The following GATA5 variants were observed in gnomAD, a reference collection of about 807,000 sequenced individuals.
GATA5 encodes the protein GATA binding protein 5, also known as transcription factor GATA-5.
In GATA5, 27 loss-of-function variants were observed where a neutral mutation model predicts 35.0. The observed-to-expected ratio is 0.77, with a 90% CI of 0.57 to 1.06. GATA5 has a LOEUF of 1.06. Among genes scored for constraint, GATA5 ranks in the 50% least tolerant of loss-of-function variants. GATA5 has a pLI of 0.00. For synonymous variants in GATA5, 306 were observed against 267.8 expected, an observed-to-expected ratio of 1.14 and a Z score of -1.39; for missense variants, 612 against 580.0, an observed-to-expected ratio of 1.06 and a Z score of -0.57.
In GATA5 at chr20:62,475,315, G is replaced by T; in HGVS notation, c.207C>A (p.Thr69=). The T allele has an allele frequency of 8.0e-7, 1 of 1,250,874 alleles. No individual in the cohort carries two copies. Among genetic ancestry groups the T allele is most frequent in the Non-Finnish European group, 1.0e-6 (1 of 997,512 alleles). The allele number at this position is 1,250,874 out of a possible 1,614,324, so 77.5% of individuals were successfully genotyped here. A position where few individuals can be genotyped will look rare whatever the true frequency, so the allele number is the denominator to read the frequency against. The change falls in exon 2 of 7, where the codon ACC becomes ACA. Residue 69 remains threonine, a synonymous_variant. Transcript: ENST00000252997. ...CCGGGCCGAAGGCCGACGAATCCGC[G>T]GTGGCTGTCTGCGCCCAGCCGGGGC... ...AARPGWAQTA[T]ADSSAFGPGS...
intron 3 of GATA5, among the ~76,000 whole-genome samples, 160 bp from the exon 4 acceptor site, chr20:62,466,711 C>T (rs1365732769): frequency 3.9e-5 from 6 of 152,226 alleles, no homozygotes; most frequent in African/African-American, 1.4e-4. Flanking sequence ...CCTGGACACG[C>T]TCTCGAGCCC....
chr20:62,473,276 C>T (rs2146488032), intron 3 of GATA5, 127 bp downstream of exon 3: 1 of 1,053,008 alleles, frequency 9.5e-7, no homozygotes, highest in Admixed American at 2.5e-5. Context: ...GGGGCGGGCA[C>T]CCAGGCTGTT....
intron 3 of GATA5, among the ~76,000 whole-genome samples, chr20:62,469,247 T>C (rs1466882273): frequency 6.6e-6 from 1 of 152,258 alleles, no homozygotes; most frequent in East Asian, 1.9e-4. Flanking sequence ...GAATCCTTTG[T>C]CTCCTGCAGT....
chr20:62,472,389 C>T (rs1313030892), intron 3 of GATA5, among the ~76,000 whole-genome samples: 1 of 152,216 alleles, frequency 6.6e-6, no homozygotes, highest in African/African-American at 2.4e-5. Flanking sequence ...GAGGGATGTT[C>T]AGAGCTGCAC....
chr20:62,473,154 C>T (rs529363591), intron 3 of GATA5, among the ~76,000 whole-genome samples: 9 of 152,374 alleles, frequency 5.9e-5, no homozygotes, highest in East Asian at 3.9e-4. Context: ...GCCCCCAGAG[C>T]GCTCCAGGGC....
In GATA5 at chr20:62,475,496, G is replaced by A. The variant is rs564720227; in HGVS notation, c.26C>T (p.Ala9Val). The change falls in exon 2 of 7, where the codon GCG becomes GTG. Residue 9 changes from alanine to valine, a missense_variant. By Grantham distance (64) the Ala-to-Val change is moderately conservative. Transcript: ENST00000252997. ...GGCGTAGGCGGCCTGGCGGGGGCTC[G>A]CGGCCAGCGCCAGGCTCTGGTACAT... is the stretch of plus-strand genomic sequence containing the variant. The part of the protein sequence containing the change: MYQSLALA[A>V]SPRQAAYADS... 1 of 1,320,536 alleles carries A rather than the reference G, an allele frequency of 7.6e-7. No homozygotes were observed. Among genetic ancestry groups the A allele is most frequent in the South Asian group, 2.3e-5 (1 of 43,308 alleles). 81.8% of individuals were successfully genotyped at this position (1,320,536 alleles called of 1,614,324 possible).
chr20:62,472,438 C>A (rs1989746016), intron 3 of GATA5, among the ~76,000 whole-genome samples: 1 of 152,200 alleles, frequency 6.6e-6, no homozygotes, highest in South Asian at 2.1e-4. Flanking sequence ...GAACAGCCAC[C>A]CGGCAAGGAC....
intron 6 of GATA5, 56 bp downstream of exon 6, chr20:62,465,284 C>T (rs782338677): frequency 2.9e-5 from 44 of 1,531,364 alleles, no homozygotes; most frequent in East Asian, 2.3e-4. Flanking sequence ...TCTGACTTGG[C>T]GGAGGAAGCA....
intron 2 of GATA5, among the ~76,000 whole-genome samples, chr20:62,473,811 C>T (rs1001314859): frequency 3.3e-5 from 5 of 152,216 alleles, no homozygotes; most frequent in Admixed American, 2.6e-4. Context: ...GTTGGTTTTT[C>T]GAGGATGGGG....
chr20:62,469,758 G>A (rs1315694693), intron 3 of GATA5, among the ~76,000 whole-genome samples: 3 of 152,226 alleles, frequency 2.0e-5, no homozygotes, highest in Admixed American at 6.5e-5. Context: ...TTCAAAGTGC[G>A]TCTTCACCTA....
At chr20:62,465,030 GTGGGGC>G in intron 6 of GATA5, 39 bp from the exon 7 acceptor site, 1 of 1,207,450 alleles carries the variant, frequency 8.3e-7, no homozygotes, top group Non-Finnish European at 1.2e-6. Flanking sequence ...GGGGTGGGGC[GTGGGGC>G]GTGGGGGGCT....
At chr20:62,475,587 C>A in intron 1 of GATA5, 45 bp from the exon 2 acceptor site, 1 of 1,184,948 alleles carries the variant, frequency 8.4e-7, no homozygotes. Flanking sequence ...GAGCTCTGCG[C>A]CCTCCGCCAG....
intron 3 of GATA5, among the ~76,000 whole-genome samples, chr20:62,469,849 T>C (rs1430546051): frequency 3.9e-5 from 6 of 152,292 alleles, no homozygotes; most frequent in Middle Eastern, 3.4e-3. Flanking sequence ...CAGAGGAAAC[T>C]GGGGAGGCCC....
At chr20:62,467,756 C>T (rs1989626346) in intron 3 of GATA5, among the ~76,000 whole-genome samples, 1 of 152,258 alleles carries the variant, frequency 6.6e-6, no homozygotes, top group Non-Finnish European at 1.5e-5. Context: ...AGCCATGCCC[C>T]CAGATTCTCT....
chr20:62,464,760 A>G lies in GATA5; in HGVS notation c.*76T>C. On this transcript the variant is annotated 3_prime_UTR_variant, in exon 7 of 7. Transcript: ENST00000252997. ...GGCCTGCTGGTCTCTGCTGTGCTGG[A>G]GCAAAGCAGGCACGGAGGTGACTCA... The G allele has an allele frequency of 7.5e-7, 1 of 1,325,282 alleles. No homozygotes were observed. The highest frequency in any genetic ancestry group is 1.0e-6 in the Non-Finnish European group (1 of 977,186). 82.1% of individuals were successfully genotyped at this position (1,325,282 alleles called of 1,614,324 possible).
rs1396421228 is a variant in GATA5 at position 62,464,682 on chromosome 20, G to A, written c.*154C>T. On this transcript the variant is annotated 3_prime_UTR_variant, in exon 7 of 7. Coordinates refer to ENST00000252997, the MANE Select transcript of GATA5 (RefSeq NM_080473.5). ...GGGCCCGACTGCCGTCTGTCCAGAA[G>A]GCCTCCCCACCACTGTGTGGAGACT... is the stretch of plus-strand genomic sequence containing the variant. 1 of 645,208 alleles carries A rather than the reference G, an allele frequency of 1.5e-6. No homozygotes were observed. The highest frequency in any genetic ancestry group is 3.1e-5 in the Admixed American group (1 of 32,656). The allele number at this position is 645,208 out of a possible 1,614,324, so 40.0% of individuals were successfully genotyped here.
chr20:62,466,450 G>A lies in GATA5; in HGVS notation c.801C>T (p.Cys267=), dbSNP rs368944442. Residue 267 remains cysteine (C), a synonymous_variant, in exon 4 of 7, where the codon TGC becomes TGT. Coordinates refer to ENST00000252997, the MANE Select transcript of GATA5 (RefSeq NM_080473.5). ...CCCCGTGCAGCTTCATGTAGAGGCCGCAGGCATTGCACACGGGCTCCCCCT... is the reference window on the plus strand; with the variant it reads ...CCCCGTGCAGCTTCATGTAGAGGCCACAGGCATTGCACACGGGCTCCCCCT... ...NSEGEPVCNA[C]GLYMKLHGVP... is the part of the protein sequence containing the mutation. 7.6e-6 allele frequency: 12 copies of A among 1,584,270 alleles called. No individual in the cohort carries two copies. The highest frequency in any genetic ancestry group is 4.0e-5 in the African/African-American group (3 of 74,276).
At chr20:62,474,446 C>T (rs1555896903) in intron 2 of GATA5, among the ~76,000 whole-genome samples, 3 of 152,250 alleles carry the variant, frequency 2.0e-5, no homozygotes, top group African/African-American at 7.2e-5. Flanking sequence ...GGTGTCGAGG[C>T]CTCCAAGGTC....
chr20:62,473,806 T>G (rs1208063650), intron 2 of GATA5, among the ~76,000 whole-genome samples: 1 of 152,220 alleles, frequency 6.6e-6, no homozygotes, highest in Non-Finnish European at 1.5e-5. Flanking sequence ...CTAGGGTTGG[T>G]TTTTCGAGGA....
Sources: gnomAD v4.1 joint callset for allele counts (sites outside exome capture counted in the v4.1 genomes callset) on GRCh38, gnomAD v4.1.1 for gene constraint, MANE v1.5 for transcripts, NCBI Gene and HGNC (gene_info 2026-07-23, HGNC 2026-07-21) for gene names.